The following ROBO2 variants were observed in gnomAD, a reference collection of about 807,000 sequenced individuals.
ROBO2 encodes roundabout guidance receptor 2.
A neutral mutation model predicts 160.8 loss-of-function variants in ROBO2; 53 were observed. The observed-to-expected ratio is 0.33, with a 90% CI of 0.26 to 0.41. The LOEUF is 0.41. Among genes scored for constraint, ROBO2 ranks in the 10% least tolerant of loss-of-function variants. The pLI, the probability that ROBO2 is intolerant of heterozygous loss-of-function variation, is 1.00. For synonymous variants in ROBO2, 664 were observed against 611.7 expected (o/e 1.09, Z -1.26); for missense variants, 1,577 against 1,722.4 (o/e 0.92, Z 1.49).
intron 2 of ROBO2, among the ~76,000 whole-genome samples, chr3:76,657,699 T>G (rs2091618403): frequency 6.9e-6 from 1 of 144,246 alleles, no homozygotes; most frequent in African/African-American, 2.6e-5. Flanking sequence ...TGTATATATA[T>G]TCATATATGT....
At chr3:77,196,090 A>G (rs1324163026) in intron 2 of ROBO2, among the ~76,000 whole-genome samples, 2 of 152,170 alleles carry the variant, frequency 1.3e-5, no homozygotes, top group South Asian at 2.1e-4. Context: ...CTAATCAAAT[A>G]TATTTAGAGC....
At position 76,400,518 on chromosome 3, in the gene ROBO2, A is replaced by G. The variant is rs139317122; in HGVS notation, c.109+462916A>G. 1.9e-3 allele frequency among the ~76,000 whole-genome samples: 289 copies of G among 151,722 alleles called. 1 individual carries two copies. The highest frequency in any genetic ancestry group is 6.7e-3 in the African/African-American group (280 of 41,502). On this transcript the variant is annotated intron_variant, in intron 2 of 26. Coordinates refer to the ROBO2 transcript ENST00000487694. ...TTGGACACTGAAATACAATTACTACAAAGAAACATACAGGACAAATTGCTT... is the reference window on the plus strand; with the variant it reads ...TTGGACACTGAAATACAATTACTACGAAGAAACATACAGGACAAATTGCTT...
At position 76,693,015 on chromosome 3, in the gene ROBO2, CAT is replaced by C. The variant is rs148055040; in HGVS notation, c.110-404996_110-404995del. ...GTATGTATATATGTATGTATATACACATATGTGTATATACATACATAAGTCTC... is the reference window on the plus strand; with the variant it reads ...GTATGTATATATGTATGTATATACACATGTGTATATACATACATAAGTCTC... On this transcript the variant is annotated intron_variant, in intron 2 of 26. Transcript: ENST00000487694. Among the ~76,000 whole-genome samples the C allele has an allele frequency of 3.8e-3, 546 of 144,912 alleles. 7 individuals carry two copies. The highest frequency in any genetic ancestry group is 0.014 in the African/African-American group (533 of 38,766).
At chr3:76,643,839 T>A (rs1372696117) in intron 2 of ROBO2, among the ~76,000 whole-genome samples, 3 of 152,044 alleles carry the variant, frequency 2.0e-5, no homozygotes, top group Non-Finnish European at 4.4e-5. Flanking sequence ...TTGTCCTGAC[T>A]GGAAAATAAA....
intron 2 of ROBO2, among the ~76,000 whole-genome samples, chr3:76,214,347 G>A (rs1045035428): frequency 3.9e-5 from 6 of 152,180 alleles, no homozygotes; most frequent in Non-Finnish European, 8.8e-5. Flanking sequence ...CCGAGCATGA[G>A]CCAAAGCAGG....
chr3:77,569,672 A>T (rs1300645418), intron 13 of ROBO2, among the ~76,000 whole-genome samples: 1 of 151,918 alleles, frequency 6.6e-6, no homozygotes, highest in African/African-American at 2.4e-5. Context: ...CCTGTTATGT[A>T]TTTAAAGTTG....
intron 2 of ROBO2, among the ~76,000 whole-genome samples, chr3:77,113,183 T>C (rs1403004210): frequency 6.6e-6 from 1 of 152,200 alleles, no homozygotes; most frequent in Admixed American, 6.5e-5. Flanking sequence ...ATTTGTAACA[T>C]GTAATTCCCC....
At chr3:77,208,272 A>G (rs529754863) in intron 2 of ROBO2, among the ~76,000 whole-genome samples, 9 of 152,348 alleles carry the variant, frequency 5.9e-5, no homozygotes, top group African/African-American at 2.2e-4. Flanking sequence ...TCTTTCATCT[A>G]TAAAACTACA....
intron 23 of ROBO2, among the ~76,000 whole-genome samples, chr3:77,624,820 T>TA (rs2094975041): frequency 6.6e-6 from 1 of 152,124 alleles, no homozygotes; most frequent in Non-Finnish European, 1.5e-5. Context: ...ATCTAACAGT[T>TA]ACAGGAGGCA....
At chr3:77,263,940 CTGT>C (rs2058947116) in intron 2 of ROBO2, among the ~76,000 whole-genome samples, 1 of 151,104 alleles carries the variant, frequency 6.6e-6, no homozygotes, top group Admixed American at 6.6e-5. Context: ...GTAAAATAAA[CTGT>C]TGTGAGAATT....
intron 24 of ROBO2, among the ~76,000 whole-genome samples, chr3:77,636,313 G>A (rs1184148178): frequency 6.6e-6 from 1 of 152,088 alleles, no homozygotes; most frequent in Non-Finnish European, 1.5e-5. Flanking sequence ...AGTAGAATAG[G>A]CCAAGCACGG....
chr3:77,588,031 T>C (rs1405747931), intron 16 of ROBO2, among the ~76,000 whole-genome samples: 3 of 152,130 alleles, frequency 2.0e-5, no homozygotes, highest in Non-Finnish European at 2.9e-5. Context: ...CAGATTTAAA[T>C]GCATTTCTCA....
chr3:76,150,572 G>A (rs1320775082), intron 2 of ROBO2, among the ~76,000 whole-genome samples: 2 of 152,092 alleles, frequency 1.3e-5, no homozygotes, highest in African/African-American at 2.4e-5. Flanking sequence ...TCCCACCTCA[G>A]GGCCTTTATA....
chr3:76,850,716 C>T (rs988890312), intron 2 of ROBO2, among the ~76,000 whole-genome samples: 2 of 152,060 alleles, frequency 1.3e-5, no homozygotes, highest in Admixed American at 1.3e-4. Context: ...TGCTTTCAAG[C>T]AGTGACACAC....
intron 2 of ROBO2, among the ~76,000 whole-genome samples, chr3:76,988,391 A>T (rs2060497570): frequency 6.6e-6 from 1 of 152,184 alleles, no homozygotes; most frequent in African/African-American, 2.4e-5. Context: ...AAGTCAGGCT[A>T]AAAAGCACTT....
chr3:76,636,311 T>G (rs2090330432), intron 2 of ROBO2, among the ~76,000 whole-genome samples: 1 of 152,212 alleles, frequency 6.6e-6, no homozygotes, highest in African/African-American at 2.4e-5. Context: ...GTTGTTTATG[T>G]CATGTGCTGG....
At chr3:76,527,516 G>A (rs1311857630) in intron 2 of ROBO2, among the ~76,000 whole-genome samples, 1 of 152,048 alleles carries the variant, frequency 6.6e-6, no homozygotes, top group African/African-American at 2.4e-5. Flanking sequence ...GCTCCTCAGT[G>A]ACCCAAACCA....
intron 2 of ROBO2, among the ~76,000 whole-genome samples, chr3:77,407,634 G>C (rs1159193012): frequency 1.3e-5 from 2 of 152,174 alleles, no homozygotes; most frequent in African/African-American, 4.8e-5. Context: ...GTTAATTAAG[G>C]TGAAACATGA....
intron 2 of ROBO2, among the ~76,000 whole-genome samples, chr3:76,648,625 A>G (rs1369979123): frequency 1.3e-5 from 2 of 152,122 alleles, no homozygotes; most frequent in African/African-American, 4.8e-5. Context: ...TGTTTTCAAC[A>G]TACTATCAAA....
Sources: allele counts gnomAD v4.1 joint callset (sites outside exome capture counted in the v4.1 genomes callset), GRCh38; gene constraint gnomAD v4.1.1; transcripts MANE v1.5; gene names NCBI Gene and HGNC (gene_info 2026-07-23, HGNC 2026-07-21).